Variants in IL1RAPL1 observed in about 807,000 individuals in gnomAD.
The protein encoded by IL1RAPL1 is interleukin-1 receptor accessory protein-like 1.
IL1RAPL1 carries 3 observed loss-of-function variants against 48.4 expected under a neutral mutation model. The observed-to-expected ratio is 0.06, with a 90% CI of 0.03 to 0.16. The LOEUF is 0.16. Ranked by LOEUF, IL1RAPL1 falls within the 10% of genes least tolerant of loss-of-function variation. IL1RAPL1 has a pLI of 1.00. For synonymous variants in IL1RAPL1, 185 were observed against 187.7 expected, an observed-to-expected ratio of 0.99 and a Z score of 0.12; for missense variants, 349 against 530.6, an observed-to-expected ratio of 0.66 and a Z score of 3.36.
intron 5 of IL1RAPL1, among the ~76,000 whole-genome samples, chrX:29,405,428 G>A (rs1351706933): frequency 1.5e-4 from 14 of 95,574 alleles, no homozygotes; most frequent in African/African-American, 2.5e-4. Flanking sequence ...GTGCAGTGGC[G>A]GGATCTCGGC....
intron 3 of IL1RAPL1, among the ~76,000 whole-genome samples, chrX:29,347,091 T>G (rs1300989697): frequency 1.8e-5 from 2 of 110,950 alleles, no homozygotes; most frequent in Non-Finnish European, 3.8e-5. Context: ...TTGTAGGAGA[T>G]AGGTTCTAAG....
intron 2 of IL1RAPL1, among the ~76,000 whole-genome samples, chrX:28,937,406 T>G (rs1924044796): frequency 9.0e-6 from 1 of 111,026 alleles, no homozygotes; most frequent in Non-Finnish European, 1.9e-5. Flanking sequence ...AGGTAGAAAA[T>G]AAGGGAACTG....
intron 2 of IL1RAPL1, among the ~76,000 whole-genome samples, chrX:29,236,743 T>C (rs1338129912): frequency 2.1e-5 from 2 of 95,136 alleles, no homozygotes; most frequent in African/African-American, 7.4e-5. Flanking sequence ...TTTTTTTTTG[T>C]ATTTTTAGTA....
intron 5 of IL1RAPL1, among the ~76,000 whole-genome samples, chrX:29,628,402 T>C (rs1487164072): frequency 8.9e-6 from 1 of 111,972 alleles, no homozygotes; most frequent in Non-Finnish European, 1.9e-5. Flanking sequence ...GCTGGTATTA[T>C]TGATGAGGGA....
At chrX:29,569,382 TG>T (rs1267634946) in intron 5 of IL1RAPL1, among the ~76,000 whole-genome samples, 2 of 110,992 alleles carry the variant, frequency 1.8e-5, no homozygotes, top group African/African-American at 6.5e-5. Context: ...CAAGTCCACA[TG>T]GCTAGAACAT....
intron 3 of IL1RAPL1, among the ~76,000 whole-genome samples, chrX:29,384,066 A>G (rs1343938570): frequency 8.9e-6 from 1 of 112,285 alleles, no homozygotes; most frequent in Non-Finnish European, 1.9e-5. Context: ...CTAGGAATTT[A>G]TATATAATGT....
chrX:28,768,470 T>A (rs2106418), intron 1 of IL1RAPL1, among the ~76,000 whole-genome samples: 1 of 107,372 alleles, frequency 9.3e-6, no homozygotes, highest in South Asian at 4.1e-4. Flanking sequence ...TCAACATTAG[T>A]GTATAGATTG....
At chrX:29,657,734 G>A (rs1925723876) in intron 5 of IL1RAPL1, among the ~76,000 whole-genome samples, 2 of 109,929 alleles carry the variant, frequency 1.8e-5, no homozygotes, top group African/African-American at 6.6e-5. Flanking sequence ...TGATCATTTT[G>A]CATACTGCCT....
chrX:29,577,415 T>C (rs1922812395), intron 5 of IL1RAPL1, among the ~76,000 whole-genome samples: 1 of 111,565 alleles, frequency 9.0e-6, no homozygotes, highest in Non-Finnish European at 1.9e-5. Flanking sequence ...ACAAACATTT[T>C]CAGAAGTCCT....
chrX:29,434,167 G>C (rs1400572421), intron 5 of IL1RAPL1, among the ~76,000 whole-genome samples: 3 of 109,300 alleles, frequency 2.7e-5, no homozygotes, highest in Non-Finnish European at 5.8e-5. Context: ...TTTAAAAAGA[G>C]CTCTAACATT....
At chrX:29,531,192 A>C (rs1217404632) in intron 5 of IL1RAPL1, among the ~76,000 whole-genome samples, 2 of 110,847 alleles carry the variant, frequency 1.8e-5, no homozygotes, top group African/African-American at 6.6e-5. Context: ...TAGCCATTGA[A>C]GACTCAGAAC....
chrX:29,293,805 T>C (rs1932406953), intron 3 of IL1RAPL1, among the ~76,000 whole-genome samples: 1 of 111,579 alleles, frequency 9.0e-6, no homozygotes, highest in African/African-American at 3.2e-5. Context: ...ATTATTACTA[T>C]TTGTTCTTTA....
chrX:29,140,893 A>G (rs1198936218), intron 2 of IL1RAPL1, among the ~76,000 whole-genome samples: 1 of 111,218 alleles, frequency 9.0e-6, no homozygotes, highest in Admixed American at 9.7e-5. Context: ...ATCTCTTAAT[A>G]CTGTTACATT....
At chrX:28,986,818 G>C (rs1467157528) in intron 2 of IL1RAPL1, among the ~76,000 whole-genome samples, 2 of 112,130 alleles carry the variant, frequency 1.8e-5, no homozygotes, top group African/African-American at 6.5e-5. Context: ...ATTAAGTATA[G>C]TCAATTGGTA....
chrX:28,638,169 T>C (rs780745975), intron 1 of IL1RAPL1, among the ~76,000 whole-genome samples: 1 of 111,877 alleles, frequency 8.9e-6, no homozygotes, highest in Admixed American at 9.5e-5. Flanking sequence ...TTTAGAAGAA[T>C]TTTTTACATC....
chrX:29,012,928 G>A (rs1926156928), intron 2 of IL1RAPL1, among the ~76,000 whole-genome samples: 1 of 111,494 alleles, frequency 9.0e-6, no homozygotes, highest in African/African-American at 3.3e-5. Flanking sequence ...AGCTTTCAAT[G>A]GAAAATTTAA....
chrX:28,751,845 T>G (rs999799044), intron 1 of IL1RAPL1, among the ~76,000 whole-genome samples: 11 of 112,132 alleles, frequency 9.8e-5, no homozygotes, highest in Admixed American at 1.9e-4. Flanking sequence ...AAGTGGTTTT[T>G]TTTTGGTATA....
chrX:28,897,334 G>A (rs780486454), intron 2 of IL1RAPL1, among the ~76,000 whole-genome samples: 27 of 111,785 alleles, frequency 2.4e-4, no homozygotes, highest in African/African-American at 7.5e-4. Flanking sequence ...TCAGGCAGGC[G>A]TCCCTGCGTG....
intron 2 of IL1RAPL1, among the ~76,000 whole-genome samples, chrX:28,964,358 A>T (rs756249622): frequency 9.0e-6 from 1 of 111,627 alleles, no homozygotes; most frequent in East Asian, 2.8e-4. Flanking sequence ...GCACATATAG[A>T]TTTCTTTATT....
Sources: allele counts gnomAD v4.1 joint callset (sites outside exome capture counted in the v4.1 genomes callset), GRCh38; gene constraint gnomAD v4.1.1; transcripts MANE v1.5; gene names NCBI Gene and HGNC (gene_info 2026-07-23, HGNC 2026-07-21).